DENND4C: variants seen among roughly 807,000 people sequenced by gnomAD.
DENND4C encodes the protein DENN domain containing 4C.
Under a neutral mutation model 203.0 loss-of-function variants are expected in DENND4C, and 108 were observed. That is an observed-to-expected ratio of 0.53 (90% confidence interval 0.46 to 0.62). The LOEUF is 0.62. DENND4C is among the 20% of genes least tolerant of loss of function. The probability of loss-of-function intolerance (pLI) is 0.00; values close to 1 mark genes in which losing one functional copy is unlikely to be tolerated. For synonymous variants in DENND4C, 871 were observed against 792.4 expected (o/e 1.10, Z -1.67); for missense variants, 2,481 against 2,301.2 (o/e 1.08, Z -1.60).
chr9:19,359,390 TTATATC>T (rs752751214), intron 28 of DENND4C, among the ~76,000 whole-genome samples: 4 of 151,858 alleles, frequency 2.6e-5, no homozygotes, highest in Non-Finnish European at 4.4e-5. Context: ...ACATTTATCT[TTATATC>T]TATTGCTGTT....
At chr9:19,251,657 T>C (rs1409321830) in intron 1 of DENND4C, among the ~76,000 whole-genome samples, 2 of 152,240 alleles carry the variant, frequency 1.3e-5, no homozygotes, top group African/African-American at 2.4e-5. Flanking sequence ...TTGAAAGCTT[T>C]GCTGCTTAGA....
intron 30 of DENND4C, among the ~76,000 whole-genome samples, chr9:19,369,245 T>G (rs952377819): frequency 2.0e-5 from 3 of 152,220 alleles, no homozygotes; most frequent in Admixed American, 6.5e-5. Context: ...AGGTTCCTTC[T>G]GTTGTACCTG....
rs768372101 is a variant in DENND4C, at chr9:19,352,472, G to C, written c.4606-18G>C. 2 of 1,546,410 alleles carry C rather than the reference G, an allele frequency of 1.3e-6. No homozygotes were observed. The highest frequency in any genetic ancestry group is 2.0e-5 in the Admixed American group (1 of 50,336). On this transcript the variant is annotated intron_variant, in intron 25 of 32. Coordinates refer to ENST00000434457, the MANE Select transcript of DENND4C (RefSeq NM_001330640.2). ...TTTTTATTAAACGTTCTCAGTGTCT[G>C]CATTTTTCTGTTTTTAGGTTTTGAT...
chr9:19,333,487 C>G (rs1230835116), intron 17 of DENND4C, among the ~76,000 whole-genome samples: 1 of 152,158 alleles, frequency 6.6e-6, no homozygotes, highest in Non-Finnish European at 1.5e-5. Context: ...GTATGCCTCT[C>G]TTTCCCTGCA....
chr9:19,288,514 A>G (rs1197304389), intron 3 of DENND4C, 82 bp from the exon 4 acceptor site: 11 of 821,416 alleles, frequency 1.3e-5, no homozygotes, highest in Non-Finnish European at 1.8e-5. Flanking sequence ...GAGTAAATAA[A>G]TGAATCTTTA....
intron 6 of DENND4C, 31 bp downstream of exon 6, chr9:19,296,277 G>A (rs11788720): frequency 0.028 from 38,749 of 1,390,570 alleles, 613 homozygotes; most frequent in Non-Finnish European, 0.035. Flanking sequence ...GATGGCTGGT[G>A]GAAAACTGGG....
rs41269023 is a variant in DENND4C, at chr9:19,347,202, T to C, written c.4317+116T>C. Reference sequence around the variant, plus strand: ...GTGCCCAGGCTGGAGTACAGTGGCATGATTTTGGCTGTCTGCAACCTCTGC... The same window carrying C: ...GTGCCCAGGCTGGAGTACAGTGGCACGATTTTGGCTGTCTGCAACCTCTGC... On this transcript the variant is annotated intron_variant, in intron 23 of 32. Transcript: ENST00000434457. 8.3e-4 allele frequency: 883 copies of C among 1,060,534 alleles called. 1 individual carries two copies. Among genetic ancestry groups the C allele is most frequent in the Non-Finnish European group, 1.1e-3 (814 of 750,084 alleles). The allele number at this position is 1,060,534 out of a possible 1,614,324, so 65.7% of individuals were successfully genotyped here. A position where few individuals can be genotyped will look rare whatever the true frequency, so the allele number is the denominator to read the frequency against.
At chr9:19,263,085 GCT>G (rs1829754080) in intron 1 of DENND4C, among the ~76,000 whole-genome samples, 1 of 152,134 alleles carries the variant, frequency 6.6e-6, no homozygotes, top group African/African-American at 2.4e-5. Context: ...GTTGTATATA[GCT>G]CTTACTGTGT....
intron 20 of DENND4C, among the ~76,000 whole-genome samples, chr9:19,339,049 A>C (rs1821070434): frequency 6.6e-6 from 1 of 152,230 alleles, no homozygotes; most frequent in Non-Finnish European, 1.5e-5. Flanking sequence ...AGAATAATAC[A>C]GAAAACTCTC....
chr9:19,320,920 T>A (rs1842777064), intron 12 of DENND4C, among the ~76,000 whole-genome samples: 1 of 152,248 alleles, frequency 6.6e-6, no homozygotes, highest in Admixed American at 6.5e-5. Flanking sequence ...TAAGCTTTTC[T>A]CTACTAATTA....
chr9:19,374,056 A>G lies in DENND4C; in HGVS notation c.*1883A>G, dbSNP rs1035416105. On this transcript the variant is annotated 3_prime_UTR_variant, in exon 33 of 33. Transcript: ENST00000434457. ...CTTGGTACTAGTTTTAATACTTAAC[A>G]CTTACTGACCCAACAGAAGTTTGGA... is the stretch of plus-strand genomic sequence containing the variant. 1.3e-5 allele frequency among the ~76,000 whole-genome samples: 2 copies of G among 152,196 alleles called. No individual in the cohort carries two copies. Among genetic ancestry groups the G allele is most frequent in the African/African-American group, 4.8e-5 (2 of 41,446 alleles).
At chr9:19,337,482 T>C (rs1820740008) in intron 20 of DENND4C, 1 of 382,012 alleles carries the variant, frequency 2.6e-6, no homozygotes, top group South Asian at 4.3e-5. Flanking sequence ...GTGCTTCATC[T>C]GATGAACTTG....
chr9:19,253,407 GGT>G, intron 1 of DENND4C, among the ~76,000 whole-genome samples: 1 of 152,120 alleles, frequency 6.6e-6, no homozygotes, highest in Non-Finnish European at 1.5e-5. Context: ...CAGGTACAAT[GGT>G]AGAGAATTAA....
intron 12 of DENND4C, among the ~76,000 whole-genome samples, chr9:19,319,438 A>ATGTT (rs2131601628): frequency 1.4e-5 from 2 of 144,378 alleles, no homozygotes; most frequent in South Asian, 4.2e-4. Flanking sequence ...ATATACACAC[A>ATGTT]TATATATATA....
In DENND4C at chr9:19,346,863, C is replaced by G. The variant is rs780362996; in HGVS notation, c.4094C>G (p.Ser1365Cys). Residue 1365 changes from serine (S) to cysteine (C), a missense_variant, in exon 23 of 33, where the codon TCT becomes TGT. By Grantham distance (112) the Ser-to-Cys change is moderately radical (BLOSUM62 -1). Transcript: ENST00000434457. Reference sequence around the variant, plus strand: ...GGGCGTTTCAAGCAGCAAACCCCCTCTCGAACTCATAAAGAACGTTCAACT... The same window carrying G: ...GGGCGTTTCAAGCAGCAAACCCCCTGTCGAACTCATAAAGAACGTTCAACT... ...FTGRFKQQTP[S>C]RTHKERSTSL... 4 of 1,614,216 alleles carry G rather than the reference C, an allele frequency of 2.5e-6. No individual in the cohort carries two copies. The highest frequency in any genetic ancestry group is 1.7e-5 in the Admixed American group (1 of 60,026).
At chr9:19,337,915 T>G (rs528450130) in intron 20 of DENND4C, among the ~76,000 whole-genome samples, 81 of 152,352 alleles carry the variant, frequency 5.3e-4, no homozygotes, top group African/African-American at 1.9e-3. Flanking sequence ...ATTCTTATTT[T>G]GAGGTTGGTT....
At chr9:19,279,438 G>A (rs1833581375) in intron 2 of DENND4C, among the ~76,000 whole-genome samples, 1 of 152,120 alleles carries the variant, frequency 6.6e-6, no homozygotes, top group Non-Finnish European at 1.5e-5. Context: ...ACTTTGGGAG[G>A]CGGAGGCAAG....
intron 6 of DENND4C, among the ~76,000 whole-genome samples, chr9:19,297,112 TTATG>T (rs1269815491): frequency 1.3e-5 from 2 of 152,214 alleles, no homozygotes; most frequent in African/African-American, 4.8e-5. Context: ...AGTTTATAAT[TTATG>T]TATCCTGCTA....
intron 10 of DENND4C, among the ~76,000 whole-genome samples, chr9:19,314,445 A>T (rs1320684690): frequency 6.6e-6 from 1 of 151,906 alleles, no homozygotes. Flanking sequence ...CAGCTCAAAG[A>T]CTACACATGG....
Sources: allele counts gnomAD v4.1 joint callset (sites outside exome capture counted in the v4.1 genomes callset), GRCh38; gene constraint gnomAD v4.1.1; transcripts MANE v1.5; gene names NCBI Gene and HGNC (gene_info 2026-07-23, HGNC 2026-07-21).